AMZ2: variants seen among roughly 807,000 people sequenced by gnomAD.
The protein encoded by AMZ2 is archaelysin family metallopeptidase 2.
Under a neutral mutation model 36.7 loss-of-function variants are expected in AMZ2, and 26 were observed. The observed-to-expected ratio is 0.71, with a 90% CI of 0.52 to 0.98. The LOEUF is 0.98. Among genes scored for constraint, AMZ2 ranks in the 50% least tolerant of loss-of-function variants. The probability of loss-of-function intolerance (pLI) is 0.00; values close to 1 mark genes in which losing one functional copy is unlikely to be tolerated. For missense variants in AMZ2, 394 were observed against 430.5 expected (o/e 0.92, Z 0.75); for synonymous variants, 144 against 149.1 (o/e 0.97, Z 0.25).
intron 1 of AMZ2, among the ~76,000 whole-genome samples, chr17:68,226,502 C>A (rs1426275926): frequency 1.3e-5 from 2 of 152,196 alleles, no homozygotes; most frequent in Admixed American, 6.5e-5. Context: ...GGGAGCCAGT[C>A]TGATGGATTC....
Position 68,253,167 on chromosome 17 carries a change from T to C in AMZ2, c.587-1237T>C, listed in dbSNP as rs147817095. ...AGTAGTGAAATATGCTCACACTTGA[T>C]TGGCCAGAGGGGGTTACTTGTGATA... is the stretch of plus-strand genomic sequence containing the variant. On this transcript the variant is annotated intron_variant, in intron 4 of 6. Coordinates refer to ENST00000359904, the MANE Select transcript of AMZ2 (RefSeq NM_016627.5). Among the ~76,000 whole-genome samples the C allele has an allele frequency of 9.2e-4, 140 of 152,320 alleles. 1 individual carries two copies. The highest frequency in any genetic ancestry group is 3.4e-3 in the Middle Eastern group (1 of 294).
intron 1 of AMZ2, among the ~76,000 whole-genome samples, chr17:68,215,340 A>C (rs12950120): frequency 8.5e-6 from 1 of 118,090 alleles, no homozygotes; most frequent in Non-Finnish European, 1.8e-5. Flanking sequence ...TCTTTGTTTT[A>C]ACATTTCACT....
At chr17:68,244,492 G>C (rs1275782623), upstream of AMZ2, among the ~76,000 whole-genome samples, 2 of 152,118 alleles carry the variant, frequency 1.3e-5, no homozygotes, top group Admixed American at 1.3e-4. Flanking sequence ...TCACCGTTTT[G>C]GCCTGGCTGG....
intron 1 of AMZ2, among the ~76,000 whole-genome samples, chr17:68,213,788 T>C (rs1362056582): frequency 2.6e-5 from 4 of 151,910 alleles, no homozygotes; most frequent in Admixed American, 2.0e-4. Context: ...GACATTCTTA[T>C]CATTTCTCTC....
At chr17:68,211,210 G>A (rs1278870080) in intron 1 of AMZ2, among the ~76,000 whole-genome samples, 1 of 151,950 alleles carries the variant, frequency 6.6e-6, no homozygotes, top group African/African-American at 2.4e-5. Flanking sequence ...TGATGAAAAT[G>A]TTCTGGAATT....
chr17:68,222,558 A>G (rs1249000837), intron 1 of AMZ2, among the ~76,000 whole-genome samples: 4 of 152,240 alleles, frequency 2.6e-5, no homozygotes, highest in Middle Eastern at 3.4e-3. Context: ...TAATTTTACA[A>G]CTCACCATAA....
chr17:68,242,332 A>G (rs1555734209), intron 1 of AMZ2, among the ~76,000 whole-genome samples: 2 of 152,228 alleles, frequency 1.3e-5, no homozygotes, highest in African/African-American at 4.8e-5. Context: ...TAAAAGTAAT[A>G]ATACTTATTG....
At chr17:68,223,974 C>T (rs1434212247) in intron 1 of AMZ2, among the ~76,000 whole-genome samples, 1 of 152,056 alleles carries the variant, frequency 6.6e-6, no homozygotes, top group African/African-American at 2.4e-5. Context: ...ACTGCAAGCT[C>T]TGCCTCCCGG....
At chr17:68,207,725 C>T (rs1353865926) in intron 1 of AMZ2, among the ~76,000 whole-genome samples, 3 of 152,256 alleles carry the variant, frequency 2.0e-5, no homozygotes, top group Non-Finnish European at 4.4e-5. Flanking sequence ...TGGCTGTCGG[C>T]GCCTCCTCGG....
intron 1 of AMZ2, among the ~76,000 whole-genome samples, chr17:68,240,045 A>G (rs1460027152): frequency 3.9e-5 from 6 of 152,218 alleles, no homozygotes; most frequent in African/African-American, 1.4e-4. Flanking sequence ...TGGTTTACAA[A>G]CAACAGAAAT....
rs537831840 is a variant in AMZ2, at chr17:68,248,055, C to T, written c.-651C>T. 3.8e-4 allele frequency: 378 copies of T among 986,372 alleles called. No individual in the cohort carries two copies. In the African/African-American group the frequency reaches 6.2e-3, roughly 16 times the overall value. The allele number at this position is 986,372 out of a possible 1,614,324, so 61.1% of individuals were successfully genotyped here. ...CGTGGCGTGGCGCAGTGCGAAGGGACGCGGTGCGCATGCGCGTGAGGGCTG... is the reference window on the plus strand; with the variant it reads ...CGTGGCGTGGCGCAGTGCGAAGGGATGCGGTGCGCATGCGCGTGAGGGCTG... On this transcript the variant is annotated 5_prime_UTR_variant, in exon 1 of 7. The change creates a new upstream start codon in the 5' untranslated region. Coordinates refer to ENST00000359904, the MANE Select transcript of AMZ2 (RefSeq NM_016627.5).
chr17:68,248,082 C>T lies in AMZ2; in HGVS notation c.-624C>T, dbSNP rs2074129639. 1 of 986,146 alleles carries T rather than the reference C, an allele frequency of 1.0e-6. No homozygotes were observed. 61.1% of individuals were successfully genotyped at this position (986,146 alleles called of 1,614,324 possible). A position where few individuals can be genotyped will look rare whatever the true frequency, so the allele number is the denominator to read the frequency against. ...CGGTGCGCATGCGCGTGAGGGCTGC[C>T]GCGGGTGGGTGGTATCGAGGCCTGT... On this transcript the variant is annotated 5_prime_UTR_variant, in exon 1 of 7. Coordinates refer to ENST00000359904, the MANE Select transcript of AMZ2 (RefSeq NM_016627.5).
At chr17:68,208,863 C>G (rs1361240095) in intron 1 of AMZ2, among the ~76,000 whole-genome samples, 2 of 152,120 alleles carry the variant, frequency 1.3e-5, no homozygotes, top group African/African-American at 4.8e-5. Flanking sequence ...CTCCTGAAGC[C>G]AGCGAGACCA....
intron 1 of AMZ2, among the ~76,000 whole-genome samples, chr17:68,221,548 A>T (rs1351345053): frequency 4.6e-5 from 7 of 151,822 alleles, no homozygotes; most frequent in African/African-American, 1.7e-4. Flanking sequence ...GCTAACAGTG[A>T]AACCCCATCT....
intron 1 of AMZ2, among the ~76,000 whole-genome samples, chr17:68,214,938 C>G (rs1212078551): frequency 1.1e-5 from 1 of 90,354 alleles, no homozygotes; most frequent in African/African-American, 3.4e-5. Context: ...TGTGTGACAC[C>G]ACGCCCGGCT....
At chr17:68,240,259 T>C (rs527851000) in intron 1 of AMZ2, among the ~76,000 whole-genome samples, 17 of 152,320 alleles carry the variant, frequency 1.1e-4, no homozygotes, top group African/African-American at 4.1e-4. Context: ...TGATCACCTC[T>C]CAAAAGTTCC....
chr17:68,255,372 CAG>C (rs1417535048), intron 5 of AMZ2, among the ~76,000 whole-genome samples: 9 of 152,126 alleles, frequency 5.9e-5, no homozygotes, highest in African/African-American at 2.2e-4. Context: ...TTTTCACAAT[CAG>C]GGAGGGAGTT....
chr17:68,223,585 G>A (rs2073423802), intron 1 of AMZ2, among the ~76,000 whole-genome samples: 1 of 152,066 alleles, frequency 6.6e-6, no homozygotes, highest in Non-Finnish European at 1.5e-5. Flanking sequence ...TGTTGCCCAG[G>A]CTGGAGTGCA....
At position 68,238,666 on chromosome 17, in the gene AMZ2, A is replaced by C. The variant is rs527712664; in HGVS notation, c.-66-9974A>C. ...CAGAAAATAAGTTGCCTGACAAGAC[A>C]TCAAAGAATTGCAAAAGAGACCACA... On this transcript the variant is annotated intron_variant, in intron 1 of 7. Transcript: ENST00000674770. 1.7e-4 allele frequency among the ~76,000 whole-genome samples: 26 copies of C among 152,314 alleles called. 1 individual carries two copies. The highest frequency in any genetic ancestry group is 6.3e-4 in the African/African-American group (26 of 41,564).
Sources: allele counts gnomAD v4.1 joint callset (sites outside exome capture counted in the v4.1 genomes callset), GRCh38; gene constraint gnomAD v4.1.1; transcripts MANE v1.5; gene names NCBI Gene and HGNC (gene_info 2026-07-23, HGNC 2026-07-21).